The following TTLL12 variants were observed in gnomAD, a reference collection of about 807,000 sequenced individuals.
TTLL12 encodes the protein tubulin--tyrosine ligase-like protein 12.
A neutral mutation model predicts 79.6 loss-of-function variants in TTLL12; 77 were observed. That is an observed-to-expected ratio of 0.97 (90% CI 0.81 to 1.17). The LOEUF is 1.17. TTLL12 is among the 50% of genes most tolerant of loss of function. The pLI is 0.00. For missense variants in TTLL12, 969 were observed against 895.9 expected, an observed-to-expected ratio of 1.08 and a Z score of -1.04; for synonymous variants, 437 against 376.1, an observed-to-expected ratio of 1.16 and a Z score of -1.87.
At chr22:43,186,456 A>G (rs925340391) in intron 1 of TTLL12, among the ~76,000 whole-genome samples, 6 of 152,202 alleles carry the variant, frequency 3.9e-5, no homozygotes, top group African/African-American at 1.4e-4. Context: ...AATCAAATGA[A>G]AAAACACCGA....
chr22:43,183,038 G>A lies in TTLL12; in HGVS notation c.289C>T (p.Leu97=), dbSNP rs754226854. ...RKQQPNPGNE[L]CYKVIVTRES... is the part of the protein sequence containing the mutation. ...CTGGTCACGATGACCTTGTAGCACAGCTCGTTCCCCGGGTTGGGCTGCTGC... is the reference window on the plus strand; with the variant it reads ...CTGGTCACGATGACCTTGTAGCACAACTCGTTCCCCGGGTTGGGCTGCTGC... Residue 97 remains leucine, a synonymous_variant, in exon 2 of 14, where the codon CTG becomes TTG. Transcript: ENST00000216129. 6.2e-7 allele frequency: 1 copy of A among 1,613,984 alleles called. No individual in the cohort carries two copies. Among genetic ancestry groups the A allele is most frequent in the Non-Finnish European group, 8.5e-7 (1 of 1,179,978 alleles).
At chr22:43,179,300 G>A (rs1931991424) in intron 5 of TTLL12, among the ~76,000 whole-genome samples, 1 of 152,148 alleles carries the variant, frequency 6.6e-6, no homozygotes, top group South Asian at 2.1e-4. Context: ...GTGAGATGAG[G>A]ACAGGGGGCT....
At position 43,186,968 on chromosome 22, in the gene TTLL12, C is replaced by A; in HGVS notation, c.102G>T (p.Leu34=). 1 of 1,323,542 alleles carries A rather than the reference C, an allele frequency of 7.6e-7. No individual in the cohort carries two copies. Among genetic ancestry groups the A allele is most frequent in the Non-Finnish European group, 9.7e-7 (1 of 1,032,536 alleles). The allele number at this position is 1,323,542 out of a possible 1,614,324, so 82.0% of individuals were successfully genotyped here. ...CCGAAGCGCGCAGCGCCGGGCCGTG[C>A]AGCGCCGCGAACTCGGCCAAGGCCT... ...GAQALAEFAA[L]HGPALRASGV... is the part of the protein sequence containing the mutation. Residue 34 remains leucine (L), a synonymous_variant, in exon 1 of 14, where the codon CTG becomes CTT. Coordinates refer to ENST00000216129, the MANE Select transcript of TTLL12 (RefSeq NM_015140.4).
intron 9 of TTLL12, among the ~76,000 whole-genome samples, chr22:43,173,250 C>T (rs1336664343): frequency 1.3e-5 from 2 of 152,172 alleles, no homozygotes; most frequent in Non-Finnish European, 2.9e-5. Context: ...AGCCACCTCA[C>T]CCTGCTGGGC....
At position 43,179,719 on chromosome 22, in the gene TTLL12, G is replaced by T; in HGVS notation, c.740C>A (p.Thr247Lys). 6.4e-7 allele frequency: 1 copy of T among 1,565,110 alleles called. No individual in the cohort carries two copies. The highest frequency in any genetic ancestry group is 8.7e-7 in the Non-Finnish European group (1 of 1,154,974). The change falls in exon 5 of 14, where the codon ACG becomes AAG. Residue 247 changes from threonine (T) to lysine (K), a missense_variant. Thr to Lys is a moderately conservative substitution (Grantham distance 78). Transcript: ENST00000216129. ...CATGCACTTCCGGATCAGGGGGTCC[G>T]TCTCTCCGTAGGCAAAGTCTCGGGT... is the stretch of plus-strand genomic sequence containing the variant. ...EVTRDFAYGE[T>K]DPLIRKCMLL...
intron 2 of TTLL12, 149 bp downstream of exon 2, chr22:43,182,830 TG>T: frequency 9.0e-7 from 1 of 1,108,044 alleles, no homozygotes; most frequent in Non-Finnish European, 1.3e-6. Context: ...GAAGCCCTGA[TG>T]GACACACCGC....
At chr22:43,180,476 AAG>A (rs1048423143) in intron 3 of TTLL12, among the ~76,000 whole-genome samples, 13 of 152,118 alleles carry the variant, frequency 8.5e-5, no homozygotes, top group African/African-American at 3.1e-4. Flanking sequence ...GAGGGCTTTT[AAG>A]AGAGTGACAG....
chr22:43,169,035 G>GTC (rs555292213), intron 12 of TTLL12, 123 bp from the exon 13 acceptor site: 1,651 of 1,307,684 alleles, frequency 1.3e-3, no homozygotes, highest in Admixed American at 2.2e-3. Flanking sequence ...ACATCTTCAC[G>GTC]TCTCTAGACC....
At position 43,166,877 on chromosome 22, in the gene TTLL12, T is replaced by A. The variant is rs916707252; in HGVS notation, c.*1131A>T. ...CTTAATTTCAAAGAGGAGACACCGCTACACCTAGCCCTGCCCTCCCATGCA... is the reference window on the plus strand; with the variant it reads ...CTTAATTTCAAAGAGGAGACACCGCAACACCTAGCCCTGCCCTCCCATGCA... On this transcript the variant is annotated 3_prime_UTR_variant, in exon 14 of 14. Transcript: ENST00000216129. 1 of 202,576 alleles carries A rather than the reference T, an allele frequency of 4.9e-6. No homozygotes were observed. The highest frequency in any genetic ancestry group is 9.2e-6 in the Non-Finnish European group (1 of 108,730). The allele number at this position is 202,576 out of a possible 1,614,324, so 12.5% of individuals were successfully genotyped here.
chr22:43,169,822 G>C, intron 11 of TTLL12: 2 of 577,686 alleles, frequency 3.5e-6, no homozygotes, highest in Non-Finnish European at 6.6e-6. Context: ...GGGAAAATGT[G>C]CTCTGCCCAG....
At position 43,180,919 on chromosome 22, in the gene TTLL12, G is replaced by A. The variant is rs766354140; in HGVS notation, c.369C>T (p.Ala123=). Residue 123 remains alanine, a synonymous_variant, in exon 3 of 14, where the codon GCC becomes GCT. Transcript: ENST00000216129. ...GCGCGTGCTCCACACGGCACGTCCA[G>A]GCGTGGTCGATGAGGAAGATGCTGC... ...HPNSIFLIDH[A]WTCRVEHARQ... 6 of 1,611,940 alleles carry A rather than the reference G, an allele frequency of 3.7e-6. No homozygotes were observed. Among genetic ancestry groups the A allele is most frequent in the Non-Finnish European group, 5.1e-6 (6 of 1,179,576 alleles).
chr22:43,176,859 C>G (rs1601772078), intron 5 of TTLL12, among the ~76,000 whole-genome samples: 1 of 152,080 alleles, frequency 6.6e-6, no homozygotes, highest in African/African-American at 2.4e-5. Context: ...CCTCTAACCA[C>G]CCCCCTCACC....
Position 43,168,826 on chromosome 22 carries a change from G to T in TTLL12, c.1731C>A (p.Ser577=). The T allele has an allele frequency of 6.3e-7, 1 of 1,594,592 alleles. No homozygotes were observed. Among genetic ancestry groups the T allele is most frequent in the East Asian group, 2.3e-5 (1 of 43,856 alleles). The change falls in exon 13 of 14, where the codon TCC becomes TCA. Residue 577 remains serine, a synonymous_variant. Transcript: ENST00000216129. ...PPLGLCDYPS[S]RAMYAVDLML... is the part of the protein sequence containing the mutation. ...TGAGGTCGACGGCATACATGGCCCG[G>T]GATGAGGGGTAGTCGCAGAGGCCCA... is the stretch of plus-strand genomic sequence containing the variant.
intron 11 of TTLL12, chr22:43,170,229 C>T (rs1322907734): frequency 1.0e-5 from 3 of 289,296 alleles, no homozygotes; most frequent in African/African-American, 4.4e-5. Flanking sequence ...AAGGGAGGGG[C>T]TCAGAACCTG....
At position 43,167,144 on chromosome 22, in the gene TTLL12, T is replaced by C. The variant is rs767567975; in HGVS notation, c.*864A>G. 2 of 527,290 alleles carry C rather than the reference T, an allele frequency of 3.8e-6. No homozygotes were observed. The highest frequency in any genetic ancestry group is 7.8e-6 in the Non-Finnish European group (2 of 256,574). The allele number at this position is 527,290 out of a possible 1,614,324, so 32.7% of individuals were successfully genotyped here. Reference sequence around the variant, plus strand: ...GGCATCTGACTTTAACCTGAAGTTCTCATTGGAATCCTTTTCTGTCTGGCG... The same window carrying C: ...GGCATCTGACTTTAACCTGAAGTTCCCATTGGAATCCTTTTCTGTCTGGCG... On this transcript the variant is annotated 3_prime_UTR_variant, in exon 14 of 14. Transcript: ENST00000216129.
At chr22:43,173,548 C>A (rs1476258356) in intron 9 of TTLL12, among the ~76,000 whole-genome samples, 167 bp downstream of exon 9, 1 of 152,174 alleles carries the variant, frequency 6.6e-6, no homozygotes, top group East Asian at 1.9e-4. Context: ...AACTTCTGGG[C>A]TCAAGTGATC....
rs371832869 is a variant in TTLL12, at chr22:43,179,790, G to A, written c.707-38C>T. On this transcript the variant is annotated intron_variant, in intron 4 of 13. Transcript: ENST00000216129. ...ATGAGTGCCCATCAGAGGGGGTGAC[G>A]GGACACTGGGCTGAGGCCCCTCCTC... 18 of 1,547,756 alleles carry A rather than the reference G, an allele frequency of 1.2e-5. No individual in the cohort carries two copies. The Admixed American group carries it at 1.4e-4, about 12-fold the overall frequency.
At chr22:43,176,793 C>T (rs1931927342) in intron 5 of TTLL12, among the ~76,000 whole-genome samples, 1 of 149,832 alleles carries the variant, frequency 6.7e-6, no homozygotes, top group African/African-American at 2.5e-5. Flanking sequence ...CACCTGGCAT[C>T]AGGTTCTATG....
intron 3 of TTLL12, among the ~76,000 whole-genome samples, chr22:43,180,512 C>T (rs140533156): frequency 1.3e-5 from 2 of 152,240 alleles, no homozygotes; most frequent in East Asian, 1.9e-4. Flanking sequence ...AGGAAAGAGG[C>T]GGCTGAGTCA....
Sources: allele counts gnomAD v4.1 joint callset (sites outside exome capture counted in the v4.1 genomes callset), GRCh38; gene constraint gnomAD v4.1.1; transcripts MANE v1.5; gene names NCBI Gene and HGNC (gene_info 2026-07-23, HGNC 2026-07-21).